MOB3C: variants seen among roughly 807,000 people sequenced by gnomAD.
MOB3C encodes the protein MOB1, Mps One Binder kinase activator-like 2C.
Under a neutral mutation model 19.8 loss-of-function variants are expected in MOB3C, and 17 were observed. The observed-to-expected ratio is 0.86, with a 90% confidence interval of 0.59 to 1.29. The LOEUF is 1.29. Among genes scored for constraint, MOB3C ranks in the 50% most tolerant of loss-of-function variants. The pLI is 0.00. For synonymous variants in MOB3C, 101 were observed against 119.2 expected (o/e 0.85, Z 0.99); for missense variants, 291 against 301.9 (o/e 0.96, Z 0.27).
At position 46,613,050 on chromosome 1, in the gene MOB3C, G is replaced by C; in HGVS notation, c.272C>G (p.Ala91Gly). Residue 91 changes from alanine to glycine, a missense_variant, in exon 2 of 4, where the codon GCC becomes GGC. Coordinates refer to ENST00000319928, the MANE Select transcript of MOB3C (RefSeq NM_201403.3). ...RCSETSCPVMAGGPRYEYRWQ... is the reference protein window; with the variant it reads ...RCSETSCPVMGGGPRYEYRWQ... Reference sequence around the variant, plus strand: ...GCGGTACTCGTAGCGGGGCCCGCCGGCCATGACCGGGCAGCTGGTCTCACT... The same window carrying C: ...GCGGTACTCGTAGCGGGGCCCGCCGCCCATGACCGGGCAGCTGGTCTCACT... The C allele has an allele frequency of 6.2e-7, 1 of 1,614,116 alleles. No individual in the cohort carries two copies. The highest frequency in any genetic ancestry group is 1.1e-5 in the South Asian group (1 of 91,086).
intron 1 of MOB3C, chr1:46,615,080 C>T (rs1336022379): frequency 1.2e-6 from 2 of 1,609,930 alleles, no homozygotes; most frequent in East Asian, 4.5e-5. Flanking sequence ...GCTTCATTTG[C>T]CATCTCCATT....
At chr1:46,610,387 C>CT (rs1203641598) in intron 2 of MOB3C, among the ~76,000 whole-genome samples, 183 bp from the exon 3 acceptor site, 3 of 152,182 alleles carry the variant, frequency 2.0e-5, no homozygotes, top group African/African-American at 7.2e-5. Flanking sequence ...TTCTTCCTTT[C>CT]TTTTTTTCTT....
At position 46,609,209 on chromosome 1, in the gene MOB3C, T is replaced by G. The variant is rs1490857244; in HGVS notation, c.*446A>C. 4.1e-6 allele frequency: 1 copy of G among 243,458 alleles called. No homozygotes were observed. The highest frequency in any genetic ancestry group is 8.2e-6 in the Non-Finnish European group (1 of 122,118). The allele number at this position is 243,458 out of a possible 1,614,324, so 15.1% of individuals were successfully genotyped here. A position where few individuals can be genotyped will look rare whatever the true frequency, so the allele number is the denominator to read the frequency against. ...CAAGGAGGGGTAAGGCAGCTAGCTC[T>G]CACAGACACACCCCACAGTGAAAAT... On this transcript the variant is annotated 3_prime_UTR_variant, in exon 4 of 4. Coordinates refer to ENST00000319928, the MANE Select transcript of MOB3C (RefSeq NM_201403.3).
rs1402772797 is a variant in MOB3C at position 46,612,667 on chromosome 1, AAAAAAAGAAAG to A, written c.418+226_418+236del. Among the ~76,000 whole-genome samples the A allele has an allele frequency of 4.2e-5, 6 of 141,908 alleles. No homozygotes were observed. The East Asian group carries it at 7.5e-4, about 18-fold the overall frequency. The allele number at this position is 141,908 out of a possible 152,430, so 93.1% of individuals were successfully genotyped here. ...ACTCTGTCTCAGAAAAGAAAAAAAAAAAAAAAGAAAGAAAGAAAGAAAAAGAAAAGAAAGAA... is the reference window on the plus strand; with the variant it reads ...ACTCTGTCTCAGAAAAGAAAAAAAAAAAAGAAAGAAAAAGAAAAGAAAGAA... On this transcript the variant is annotated intron_variant, in intron 2 of 3. Transcript: ENST00000319928.
rs758644707 is a variant in MOB3C at position 46,609,273 on chromosome 1, C to G, written c.*382G>C. 7.4e-4 allele frequency: 255 copies of G among 343,524 alleles called. 1 individual carries two copies. The highest frequency in any genetic ancestry group is 1.2e-3 in the Non-Finnish European group (222 of 179,744). 21.3% of individuals were successfully genotyped at this position (343,524 alleles called of 1,614,324 possible). On this transcript the variant is annotated 3_prime_UTR_variant, in exon 4 of 4. Coordinates refer to ENST00000319928, the MANE Select transcript of MOB3C (RefSeq NM_201403.3). ...ACACACCCCGGCATCTGTGCTCACT[C>G]ACAGGCAGACTGCTCACTTTCTTGC...
intron 1 of MOB3C, chr1:46,616,156 G>A (rs1381382924): frequency 6.6e-6 from 1 of 152,226 alleles, no homozygotes; most frequent in African/African-American, 2.4e-5. Flanking sequence ...CCCTGGGTGC[G>A]GATCTGGGCT....
In MOB3C at chr1:46,612,931, C is replaced by T. The variant is rs1370696140; in HGVS notation, c.391G>A (p.Asp131Asn). 1 of 1,563,658 alleles carries T rather than the reference C, an allele frequency of 6.4e-7. No homozygotes were observed. The highest frequency in any genetic ancestry group is 1.8e-5 in the Admixed American group (1 of 55,006). Residue 131 changes from aspartate to asparagine, a missense_variant, in exon 2 of 4, where the codon GAC becomes AAC. By Grantham distance (23) the Asp-to-Asn change is conservative. Coordinates refer to ENST00000319928, the MANE Select transcript of MOB3C (RefSeq NM_201403.3). ...ACACGCGTGGGAAAGACCTCTTCGT[C>T]GTTGATGAGGCCTTCGATCCAGTCC... is the stretch of plus-strand genomic sequence containing the variant. ...LMDWIEGLIN[D>N]EEVFPTRVGV... is the part of the protein sequence containing the mutation.
chr1:46,613,994 GGAGGGCGGCAGGCCAAT>G (rs1200146453), intron 1 of MOB3C: 3 of 152,322 alleles, frequency 2.0e-5, no homozygotes, highest in African/African-American at 7.2e-5. Context: ...TGGAGGAGGG[GGAGGGCGGCAGGCCAAT>G]GAGGGCGTCG....
Position 46,615,360 on chromosome 1 carries a change from G to A in MOB3C, c.-51+1351C>T, listed in dbSNP as rs1675542192. Reference sequence around the variant, plus strand: ...CCACCTGCCTGACCACACATCCTCAGATTGGCTGCTACCTCCTCCCACAGC... The same window carrying A: ...CCACCTGCCTGACCACACATCCTCAAATTGGCTGCTACCTCCTCCCACAGC... On this transcript the variant is annotated intron_variant, in intron 1 of 3. Transcript: ENST00000319928. 3 of 397,232 alleles carry A rather than the reference G, an allele frequency of 7.6e-6. No homozygotes were observed. In the South Asian group the frequency reaches 1.5e-4, roughly 20 times the overall value. The allele number at this position is 397,232 out of a possible 1,614,324, so 24.6% of individuals were successfully genotyped here. A position where few individuals can be genotyped will look rare whatever the true frequency, so the allele number is the denominator to read the frequency against.
Position 46,611,251 on chromosome 1 carries a change from A to G in MOB3C, c.419-1047T>C, listed in dbSNP as rs1422937618. ...GCCTGATGTGTCTGATTGTCACTTT[A>G]GATATGATAAAACAGAAGTGCTTAT... On this transcript the variant is annotated intron_variant, in intron 2 of 3. Coordinates refer to ENST00000319928, the MANE Select transcript of MOB3C (RefSeq NM_201403.3). The surrounding 1 kb of genome is among the most constrained non-coding windows in gnomAD (Gnocchi z 4.1). Among the ~76,000 whole-genome samples the G allele has an allele frequency of 6.6e-6, 1 of 152,228 alleles. No homozygotes were observed. The highest frequency in any genetic ancestry group is 1.5e-5 in the Non-Finnish European group (1 of 68,046).
At chr1:46,612,588 C>CG in intron 2 of MOB3C, among the ~76,000 whole-genome samples, 1 of 147,056 alleles carries the variant, frequency 6.8e-6, no homozygotes, top group African/African-American at 2.5e-5. Flanking sequence ...CGCTTGAACC[C>CG]GGGGGGCAGA....
chr1:46,613,010 G>A lies in MOB3C; in HGVS notation c.312C>T (p.Arg104=), dbSNP rs748324401. The change falls in exon 2 of 4, where the codon CGC becomes CGT. Residue 104 remains arginine (R), a synonymous_variant. Transcript: ENST00000319928. The part of the protein sequence containing the change: ...PRYEYRWQDE[R]QYRRPAKLSA... ...AGAGCTTGGCGGGCCGCCGGTACTG[G>A]CGCTCGTCCTGCCAGCGGTACTCGT... 10 of 1,613,280 alleles carry A rather than the reference G, an allele frequency of 6.2e-6. No homozygotes were observed. Among genetic ancestry groups the A allele is most frequent in the East Asian group, 2.2e-5 (1 of 44,882 alleles).
chr1:46,609,415 A>T lies in MOB3C; in HGVS notation c.*240T>A. 3 of 599,394 alleles carry T rather than the reference A, an allele frequency of 5.0e-6. No individual in the cohort carries two copies. Among genetic ancestry groups the T allele is most frequent in the Non-Finnish European group, 8.9e-6 (3 of 335,196 alleles). The allele number at this position is 599,394 out of a possible 1,614,324, so 37.1% of individuals were successfully genotyped here. Reference sequence around the variant, plus strand: ...CTAGCCTACCCTACTCCCAGACTTCATGCCAGAGGTTTAACTCCACTTCCC... The same window carrying T: ...CTAGCCTACCCTACTCCCAGACTTCTTGCCAGAGGTTTAACTCCACTTCCC... On this transcript the variant is annotated 3_prime_UTR_variant, in exon 4 of 4. Coordinates refer to ENST00000319928, the MANE Select transcript of MOB3C (RefSeq NM_201403.3).
chr1:46,610,904 A>G (rs1675453860), intron 2 of MOB3C, among the ~76,000 whole-genome samples: 1 of 152,194 alleles, frequency 6.6e-6, no homozygotes, highest in African/African-American at 2.4e-5. Flanking sequence ...TACAACTCCA[A>G]GGAGAGTTCA....
At chr1:46,609,771 C>A in intron 3 of MOB3C, 87 bp from the exon 4 acceptor site, 1 of 1,544,542 alleles carries the variant, frequency 6.5e-7, no homozygotes, top group Non-Finnish European at 8.8e-7. Flanking sequence ...AGCTGCTCTT[C>A]TGTCTGAGCC....
At chr1:46,613,396 A>T (rs1212284165) in intron 1 of MOB3C, 25 bp from the exon 2 acceptor site, 5 of 1,565,500 alleles carry the variant, frequency 3.2e-6, no homozygotes, top group Non-Finnish European at 3.4e-6. Context: ...GGCATAGGGG[A>T]GCTGGCGGTC....
chr1:46,609,857 T>C (rs1675432022), intron 3 of MOB3C, 145 bp downstream of exon 3: 1 of 1,213,518 alleles, frequency 8.2e-7, no homozygotes, highest in Non-Finnish European at 1.2e-6. Flanking sequence ...GAATTCTCTA[T>C]TGAAGTACAG....
In MOB3C at chr1:46,609,198, G is replaced by T; in HGVS notation, c.*457C>A. 4.3e-6 allele frequency: 1 copy of T among 230,550 alleles called. No individual in the cohort carries two copies. The highest frequency in any genetic ancestry group is 8.7e-6 in the Non-Finnish European group (1 of 114,442). The allele number at this position is 230,550 out of a possible 1,614,324, so 14.3% of individuals were successfully genotyped here. On this transcript the variant is annotated 3_prime_UTR_variant, in exon 4 of 4. Coordinates refer to ENST00000319928, the MANE Select transcript of MOB3C (RefSeq NM_201403.3). ...CTACTATGTGCCAAGGAGGGGTAAG[G>T]CAGCTAGCTCTCACAGACACACCCC...
Position 46,611,959 on chromosome 1 carries a change from T to G in MOB3C, c.418+945A>C, listed in dbSNP as rs1448545068. On this transcript the variant is annotated intron_variant, in intron 2 of 3. Coordinates refer to ENST00000319928, the MANE Select transcript of MOB3C (RefSeq NM_201403.3). The surrounding 1 kb of genome is among the most constrained non-coding windows in gnomAD (Gnocchi z 4.1). ...ACCCACCGCTGATCCACACAGCCTC[T>G]GCAGAGATGAGCTCCAGGCCAGGTG... Among the ~76,000 whole-genome samples the G allele has an allele frequency of 1.3e-5, 2 of 152,144 alleles. No homozygotes were observed. The highest frequency in any genetic ancestry group is 2.9e-5 in the Non-Finnish European group (2 of 68,012).
Sources: allele counts gnomAD v4.1 joint callset (sites outside exome capture counted in the v4.1 genomes callset), GRCh38; gene constraint gnomAD v4.1.1; non-coding constraint Gnocchi (gnomAD v3.1); transcripts MANE v1.5; gene names NCBI Gene and HGNC (gene_info 2026-07-23, HGNC 2026-07-21).